The following FAT3 variants were observed in gnomAD, a reference collection of about 807,000 sequenced individuals.
The protein encoded by FAT3 is FAT atypical cadherin 3.
FAT3 carries 95 observed loss-of-function variants against 310.2 expected under a neutral mutation model. The ratio of observed to expected loss-of-function variants is 0.31; its 90% CI spans 0.26 to 0.36. FAT3 has a LOEUF of 0.36. FAT3 is among the 10% of genes least tolerant of loss of function. FAT3 has a pLI of 1.00. For synonymous variants in FAT3, 2,314 were observed against 2,192.9 expected (o/e 1.06, Z -1.54); for missense variants, 5,408 against 5,715.6 (o/e 0.95, Z 1.74).
intron 22 of FAT3, among the ~76,000 whole-genome samples, chr11:92,872,857 A>G (rs1949424259): frequency 6.6e-6 from 1 of 152,208 alleles, no homozygotes; most frequent in African/African-American, 2.4e-5. Flanking sequence ...GAAAGTTGAA[A>G]TGGCAAAGTA....
chr11:92,775,223 C>A (rs1160854288), intron 7 of FAT3, among the ~76,000 whole-genome samples: 1 of 152,096 alleles, frequency 6.6e-6, no homozygotes, highest in Non-Finnish European at 1.5e-5. Flanking sequence ...CTGAAGCAAG[C>A]AAGTCTTGAT....
At chr11:92,412,760 T>TATATATATATATATATATATATACAC (rs1950323868) in intron 2 of FAT3, among the ~76,000 whole-genome samples, 1 of 130,780 alleles carries the variant, frequency 7.6e-6, no homozygotes, top group African/African-American at 2.9e-5. Context: ...TACATACATA[T>TATATATATATATATATATATATACAC]ATATATATTT....
intron 19 of FAT3, among the ~76,000 whole-genome samples, chr11:92,855,760 C>G (rs1285793815): frequency 6.6e-6 from 1 of 152,118 alleles, no homozygotes; most frequent in African/African-American, 2.4e-5. Flanking sequence ...TTAAAAACGC[C>G]TTCATCTTCT....
At chr11:92,295,581 C>T (rs1372320682) in intron 1 of FAT3, among the ~76,000 whole-genome samples, 2 of 152,100 alleles carry the variant, frequency 1.3e-5, no homozygotes, top group Admixed American at 6.6e-5. Context: ...GTTAGAAATA[C>T]ATTTTAGTCT....
At chr11:92,715,839 T>C (rs533982286) in intron 4 of FAT3, among the ~76,000 whole-genome samples, 2 of 151,950 alleles carry the variant, frequency 1.3e-5, no homozygotes, top group Admixed American at 1.3e-4. Context: ...AGAACACTGA[T>C]GATTCAAGCA....
chr11:92,378,003 A>G (rs776091518), intron 2 of FAT3, among the ~76,000 whole-genome samples: 16 of 136,208 alleles, frequency 1.2e-4, no homozygotes, highest in Admixed American at 4.1e-4. Flanking sequence ...CTGTGGCTCT[A>G]TGAAGAACTT....
chr11:92,345,954 A>G (rs1948405956), intron 1 of FAT3, among the ~76,000 whole-genome samples: 1 of 152,188 alleles, frequency 6.6e-6, no homozygotes, highest in Admixed American at 6.5e-5. Context: ...ATTTCATTAT[A>G]TAATGTGAAT....
At chr11:92,323,245 A>G (rs900182242) in intron 1 of FAT3, among the ~76,000 whole-genome samples, 4 of 150,690 alleles carry the variant, frequency 2.7e-5, no homozygotes, top group South Asian at 2.1e-4. Context: ...GTGTGTGTGT[A>G]TGTGTGTGTA....
At chr11:92,864,870 C>A (rs1591828542) in intron 21 of FAT3, among the ~76,000 whole-genome samples, 2 of 152,154 alleles carry the variant, frequency 1.3e-5, no homozygotes, top group African/African-American at 2.4e-5. Context: ...AGAACATAAA[C>A]ATTTGTCTTC....
At chr11:92,303,063 TACCGA>T (rs1372066475) in intron 1 of FAT3, among the ~76,000 whole-genome samples, 2 of 152,118 alleles carry the variant, frequency 1.3e-5, no homozygotes, top group African/African-American at 4.8e-5. Flanking sequence ...GTTTAGCATC[TACCGA>T]AGTAGGCACT....
chr11:92,773,972 A>C, intron 6 of FAT3, 69 bp from the exon 7 acceptor site: 1 of 1,555,680 alleles, frequency 6.4e-7, no homozygotes, highest in Non-Finnish European at 8.7e-7. Context: ...CTCCCTTTAA[A>C]GATATATGAT....
intron 2 of FAT3, among the ~76,000 whole-genome samples, chr11:92,496,585 T>C (rs80172641): frequency 0.032 from 4,901 of 151,994 alleles, 275 homozygotes; most frequent in African/African-American, 0.11. Flanking sequence ...TGGGATGGGG[T>C]TGCTCTATGT....
At chr11:92,703,915 C>T (rs750831345) in intron 4 of FAT3, among the ~76,000 whole-genome samples, 2 of 152,152 alleles carry the variant, frequency 1.3e-5, no homozygotes, top group Non-Finnish European at 2.9e-5. Flanking sequence ...GTTATTAATT[C>T]GTATATTCCT....
intron 3 of FAT3, among the ~76,000 whole-genome samples, chr11:92,640,824 A>G (rs1187219019): frequency 6.6e-6 from 1 of 152,214 alleles, no homozygotes; most frequent in Non-Finnish European, 1.5e-5. Flanking sequence ...TTTCCCCAAC[A>G]TAAGGCACAG....
At chr11:92,232,582 G>A (rs1280354111) in intron 1 of FAT3, among the ~76,000 whole-genome samples, 2 of 146,842 alleles carry the variant, frequency 1.4e-5, no homozygotes, top group Admixed American at 6.8e-5. Context: ...TTAGCTGTTG[G>A]AACTTGACCA....
intron 22 of FAT3, among the ~76,000 whole-genome samples, chr11:92,868,342 C>A (rs989579037): frequency 1.3e-5 from 2 of 152,142 alleles, no homozygotes; most frequent in African/African-American, 4.8e-5. Context: ...CAATGAGGGC[C>A]AAGTACCCTG....
chr11:92,734,259 A>T (rs1945274886), intron 4 of FAT3, among the ~76,000 whole-genome samples: 1 of 152,134 alleles, frequency 6.6e-6, no homozygotes, highest in Non-Finnish European at 1.5e-5. Flanking sequence ...AGTTTATGTC[A>T]CCTGTGTCAG....
chr11:92,439,314 C>T (rs1951017348), intron 2 of FAT3, among the ~76,000 whole-genome samples: 1 of 152,000 alleles, frequency 6.6e-6, no homozygotes, highest in Non-Finnish European at 1.5e-5. Context: ...TCTCATATGC[C>T]ATGTCTTATT....
intron 3 of FAT3, among the ~76,000 whole-genome samples, chr11:92,605,660 T>C (rs187451691): frequency 1.7e-4 from 26 of 152,052 alleles, no homozygotes; most frequent in Admixed American, 3.3e-4. Context: ...CAGATTACTT[T>C]GTGTACTCTT....
Sources: gnomAD v4.1 joint callset for allele counts (sites outside exome capture counted in the v4.1 genomes callset) on GRCh38, gnomAD v4.1.1 for gene constraint, MANE v1.5 for transcripts, NCBI Gene and HGNC (gene_info 2026-07-23, HGNC 2026-07-21) for gene names.